Variants in THRB observed in about 807,000 individuals in gnomAD.
The protein encoded by THRB is thyroid hormone receptor beta.
A neutral mutation model predicts 47.8 loss-of-function variants in THRB; 12 were observed. The observed-to-expected ratio is 0.25, with a 90% CI of 0.16 to 0.41. The LOEUF (loss-of-function observed/expected upper bound fraction) is 0.41. Among genes scored for constraint, THRB ranks in the 10% least tolerant of loss-of-function variants. The pLI, the probability that THRB is intolerant of heterozygous loss-of-function variation, is 1.00. For synonymous variants in THRB, 218 were observed against 212.2 expected (o/e 1.03, Z -0.24); for missense variants, 348 against 589.2 (o/e 0.59, Z 4.24).
intron 1 of THRB, among the ~76,000 whole-genome samples, chr3:24,439,516 T>C (rs1327571316): frequency 6.6e-6 from 1 of 152,180 alleles, no homozygotes; most frequent in Non-Finnish European, 1.5e-5. Context: ...AATGAAACTT[T>C]AGAGTCTCTA....
At chr3:24,281,472 G>C (rs2054600194) in intron 3 of THRB, among the ~76,000 whole-genome samples, 1 of 152,134 alleles carries the variant, frequency 6.6e-6, no homozygotes, top group Non-Finnish European at 1.5e-5. Flanking sequence ...ACCAGCCGCT[G>C]CAAAATCATG....
chr3:24,474,558 C>T (rs1007049514), intron 1 of THRB, among the ~76,000 whole-genome samples: 1 of 152,176 alleles, frequency 6.6e-6, no homozygotes, highest in African/African-American at 2.4e-5. Flanking sequence ...GATAGTCTAC[C>T]AGAATTTGTA....
chr3:24,247,741 T>A (rs1267943699), intron 3 of THRB, among the ~76,000 whole-genome samples: 1 of 152,138 alleles, frequency 6.6e-6, no homozygotes, highest in Non-Finnish European at 1.5e-5. Context: ...CCCAAAAATA[T>A]GCCTCCTGAC....
chr3:24,256,214 G>T (rs2051263151), intron 3 of THRB, among the ~76,000 whole-genome samples: 1 of 152,126 alleles, frequency 6.6e-6, no homozygotes, highest in Non-Finnish European at 1.5e-5. Context: ...AGGGAGATGA[G>T]GTCTAGAAAA....
chr3:24,381,891 G>A (rs1478353892), intron 1 of THRB, among the ~76,000 whole-genome samples: 1 of 150,832 alleles, frequency 6.6e-6, no homozygotes, highest in East Asian at 1.9e-4. Flanking sequence ...AAAAATAGAT[G>A]GTCTAGCTAA....
intron 8 of THRB, among the ~76,000 whole-genome samples, chr3:24,136,918 C>G (rs1251238879): frequency 6.6e-6 from 1 of 152,224 alleles, no homozygotes; most frequent in African/African-American, 2.4e-5. Context: ...TTTGCTTTCT[C>G]CAAAGCCCCC....
At chr3:24,449,159 TA>T (rs1267409457) in intron 1 of THRB, among the ~76,000 whole-genome samples, 1 of 152,210 alleles carries the variant, frequency 6.6e-6, no homozygotes, top group African/African-American at 2.4e-5. Flanking sequence ...AAATGATTAT[TA>T]AAAATTCTTG....
intron 1 of THRB, among the ~76,000 whole-genome samples, chr3:24,397,600 CTTTTTT>C (rs11383377): frequency 7.2e-6 from 1 of 138,268 alleles, no homozygotes; most frequent in African/African-American, 2.7e-5. Context: ...TTTAGCAAGT[CTTTTTT>C]TTTTTTTTTT....
At chr3:24,269,189 G>A (rs1042388187) in intron 3 of THRB, among the ~76,000 whole-genome samples, 2 of 151,986 alleles carry the variant, frequency 1.3e-5, no homozygotes, top group Non-Finnish European at 2.9e-5. Context: ...TAATACAAAT[G>A]GGAGAAGGAT....
intron 5 of THRB, among the ~76,000 whole-genome samples, chr3:24,179,438 C>T (rs1250112783): frequency 6.6e-6 from 1 of 152,100 alleles, no homozygotes; most frequent in African/African-American, 2.4e-5. Flanking sequence ...CAAACACATA[C>T]AGAGAATGAG....
At chr3:24,132,944 C>G (rs1277947763) in intron 9 of THRB, among the ~76,000 whole-genome samples, 2 of 152,206 alleles carry the variant, frequency 1.3e-5, no homozygotes, top group Non-Finnish European at 2.9e-5. Flanking sequence ...GGGGTTAATA[C>G]AAGCAACCCT....
At chr3:24,179,373 AACTTACTCTC>A (rs1314962243) in intron 5 of THRB, among the ~76,000 whole-genome samples, 1 of 152,256 alleles carries the variant, frequency 6.6e-6, no homozygotes, top group East Asian at 1.9e-4. Flanking sequence ...TGATGTTTAT[AACTTACTCTC>A]ATATGGTTTG....
chr3:24,150,748 A>G (rs1192093663), intron 6 of THRB, among the ~76,000 whole-genome samples: 1 of 152,198 alleles, frequency 6.6e-6, no homozygotes, highest in African/African-American at 2.4e-5. Flanking sequence ...TCCATATTAA[A>G]TGGAATCAGG....
chr3:24,442,304 G>A (rs907978024), intron 1 of THRB, among the ~76,000 whole-genome samples: 6 of 152,168 alleles, frequency 3.9e-5, no homozygotes, highest in Non-Finnish European at 8.8e-5. Flanking sequence ...CTCACAATCG[G>A]ATGAGGAAAC....
chr3:24,265,425 T>C (rs575289790), intron 3 of THRB, among the ~76,000 whole-genome samples: 1 of 152,318 alleles, frequency 6.6e-6, no homozygotes, highest in South Asian at 2.1e-4. Context: ...AGAAATCACA[T>C]GATTTTAGAC....
chr3:24,379,044 T>C (rs983361757), intron 1 of THRB, among the ~76,000 whole-genome samples: 4 of 152,132 alleles, frequency 2.6e-5, no homozygotes, highest in African/African-American at 9.7e-5. Context: ...TTCATATTTT[T>C]CCCACTTTAT....
chr3:24,218,954 T>C (rs2046890810), intron 4 of THRB, among the ~76,000 whole-genome samples: 2 of 152,012 alleles, frequency 1.3e-5, no homozygotes, highest in South Asian at 4.1e-4. Context: ...CTAAAGACAA[T>C]ACATTAAAGC....
intron 3 of THRB, among the ~76,000 whole-genome samples, chr3:24,251,797 T>C (rs2050696695): frequency 6.6e-6 from 1 of 152,014 alleles, no homozygotes; most frequent in Non-Finnish European, 1.5e-5. Context: ...AAAAATAAAC[T>C]TCCTCAATTA....
chr3:24,361,624 A>G (rs2064072344), intron 1 of THRB, among the ~76,000 whole-genome samples: 1 of 152,176 alleles, frequency 6.6e-6, no homozygotes, highest in Non-Finnish European at 1.5e-5. Flanking sequence ...AAGAAGAAAA[A>G]CTAGAACAAG....
Sources: gnomAD v4.1 joint callset for allele counts (sites outside exome capture counted in the v4.1 genomes callset) on GRCh38, gnomAD v4.1.1 for gene constraint, MANE v1.5 for transcripts, NCBI Gene and HGNC (gene_info 2026-07-23, HGNC 2026-07-21) for gene names.